The following GPC6 variants were observed in gnomAD, a reference collection of about 807,000 sequenced individuals.
GPC6 encodes glypican 6.
GPC6 carries 14 observed loss-of-function variants against 55.2 expected under a neutral mutation model. That is an observed-to-expected ratio of 0.25 (90% confidence interval 0.17 to 0.40). The LOEUF (loss-of-function observed/expected upper bound fraction) is 0.40, where lower values mean the gene tolerates loss of function less well. Among genes scored for constraint, GPC6 ranks in the 10% least tolerant of loss-of-function variants. GPC6 has a pLI of 1.00. For synonymous variants in GPC6, 278 were observed against 259.6 expected, an observed-to-expected ratio of 1.07 and a Z score of -0.68; for missense variants, 641 against 708.5, an observed-to-expected ratio of 0.90 and a Z score of 1.08.
intron 3 of GPC6, among the ~76,000 whole-genome samples, chr13:93,839,567 T>TA (rs1253082128): frequency 1.3e-5 from 2 of 152,202 alleles, no homozygotes; most frequent in Non-Finnish European, 2.9e-5. Flanking sequence ...TATCACCGTT[T>TA]ACACTGCTGT....
At chr13:93,600,603 G>A (rs908525402) in intron 2 of GPC6, among the ~76,000 whole-genome samples, 10 of 152,230 alleles carry the variant, frequency 6.6e-5, no homozygotes, top group East Asian at 1.9e-4. Context: ...GAGTTAGAGA[G>A]TGGGTGAGTT....
At chr13:93,369,077 T>C (rs1282159814) in intron 1 of GPC6, among the ~76,000 whole-genome samples, 1 of 151,938 alleles carries the variant, frequency 6.6e-6, no homozygotes, top group Non-Finnish European at 1.5e-5. Flanking sequence ...GTCTCATACC[T>C]CCCTAGTGAG....
intron 3 of GPC6, among the ~76,000 whole-genome samples, chr13:93,899,047 C>T (rs1202750379): frequency 1.3e-5 from 2 of 150,676 alleles, no homozygotes; most frequent in East Asian, 3.9e-4. Context: ...TTTATCAACA[C>T]CAGTGTTTCC....
At chr13:93,732,815 AAAAG>A (rs148230509) in intron 2 of GPC6, among the ~76,000 whole-genome samples, 30,656 of 152,008 alleles carry the variant, frequency 0.2, 3,685 homozygotes, top group Non-Finnish European at 0.26. Context: ...TAAAAAAGTA[AAAAG>A]AAAGAGGAGA....
chr13:93,912,722 G>A (rs531002328), intron 3 of GPC6, among the ~76,000 whole-genome samples: 12 of 152,208 alleles, frequency 7.9e-5, no homozygotes, highest in South Asian at 2.1e-4. Flanking sequence ...CAGCCTGGGC[G>A]ACAGATAGAG....
In GPC6 at chr13:94,349,050, G is replaced by A. The variant is rs573735083; in HGVS notation, c.1153-33364G>A. ...TGGACCAGGCACATAGTGATGAATG[G>A]AGCAGACGTGTTTTCATGATGCTTG... is the stretch of plus-strand genomic sequence containing the variant. On this transcript the variant is annotated intron_variant, in intron 6 of 8. Transcript: ENST00000377047. Among the ~76,000 whole-genome samples, 5 of 152,250 alleles carry A rather than the reference G, an allele frequency of 3.3e-5. No homozygotes were observed. In the South Asian group the frequency reaches 1.0e-3, roughly 32 times the overall value.
chr13:94,286,799 T>G (rs539654016), intron 5 of GPC6, among the ~76,000 whole-genome samples: 1 of 152,320 alleles, frequency 6.6e-6, no homozygotes, highest in South Asian at 2.1e-4. Flanking sequence ...TTTTAATGTT[T>G]GAAATGTCTG....
chr13:93,359,385 T>C (rs1323892764), intron 1 of GPC6, among the ~76,000 whole-genome samples: 1 of 152,216 alleles, frequency 6.6e-6, no homozygotes, highest in African/African-American at 2.4e-5. Flanking sequence ...GAATCTTCTG[T>C]TACTCAACTT....
chr13:93,383,182 T>G (rs979935027), intron 1 of GPC6, among the ~76,000 whole-genome samples: 25 of 152,226 alleles, frequency 1.6e-4, no homozygotes, highest in African/African-American at 5.1e-4. Context: ...CTCCCTAACA[T>G]CATGACGATT....
intron 4 of GPC6, among the ~76,000 whole-genome samples, chr13:94,064,985 G>T (rs541780296): frequency 1.1e-4 from 17 of 152,176 alleles, no homozygotes; most frequent in African/African-American, 3.9e-4. Context: ...ATGGTTGTGA[G>T]ACTTCACAGA....
intron 2 of GPC6, among the ~76,000 whole-genome samples, chr13:93,789,582 T>C (rs1447001586): frequency 7.6e-6 from 1 of 132,036 alleles, no homozygotes; most frequent in South Asian, 2.3e-4. Flanking sequence ...ATAAATACTA[T>C]ATATATATAA....
intron 6 of GPC6, among the ~76,000 whole-genome samples, chr13:94,342,570 G>A (rs1049749795): frequency 6.6e-6 from 1 of 152,134 alleles, no homozygotes; most frequent in Non-Finnish European, 1.5e-5. Context: ...TTCAGACTCC[G>A]GGCATCCAGA....
chr13:94,289,104 T>C (rs1435717309), intron 5 of GPC6, among the ~76,000 whole-genome samples: 1 of 150,456 alleles, frequency 6.6e-6, no homozygotes, highest in Non-Finnish European at 1.5e-5. Flanking sequence ...CACATAGAAA[T>C]TGTAGGCAGA....
In GPC6 at chr13:94,286,359, C is replaced by T. The variant is rs764722466; in HGVS notation, c.888C>T (p.Leu296=). The T allele has an allele frequency of 2.5e-6, 4 of 1,613,772 alleles. No individual in the cohort carries two copies. The highest frequency in any genetic ancestry group is 1.6e-4 in the Middle Eastern group (1 of 6,062). Reference sequence around the variant, plus strand: ...CCTGTATTTTAACAGATGCAATGCTCTTGGTGGCAGAGCGACTGGAGGGGC... The same window carrying T: ...CCTGTATTTTAACAGATGCAATGCTTTTGGTGGCAGAGCGACTGGAGGGGC... ...TEWNLFIDAM[L]LVAERLEGPF... is the part of the protein sequence containing the mutation. Residue 296 remains leucine, a synonymous_variant, in exon 5 of 9, where the codon CTC becomes CTT. Coordinates refer to ENST00000377047, the MANE Select transcript of GPC6 (RefSeq NM_005708.5).
rs897239713 is a variant in GPC6 at position 93,409,433 on chromosome 13, C to T, written c.161-135830C>T. ...GAGTTCATCTTCCATCTTTAGCTAA[C>T]GTGGTCTGTGGCCAGAGCCACACTT... On this transcript the variant is annotated intron_variant, in intron 1 of 8. Transcript: ENST00000377047. Among the ~76,000 whole-genome samples, 4 of 152,162 alleles carry T rather than the reference C, an allele frequency of 2.6e-5. No individual in the cohort carries two copies. The South Asian group carries it at 8.3e-4, about 31-fold the overall frequency.
At chr13:94,373,102 C>T (rs1335906853) in intron 6 of GPC6, among the ~76,000 whole-genome samples, 1 of 152,174 alleles carries the variant, frequency 6.6e-6, no homozygotes, top group Non-Finnish European at 1.5e-5. Flanking sequence ...GATAAAACCA[C>T]AAAAATGGAG....
chr13:93,657,268 A>G (rs1188411210), intron 2 of GPC6, among the ~76,000 whole-genome samples: 4 of 152,124 alleles, frequency 2.6e-5, no homozygotes, highest in Admixed American at 1.3e-4. Flanking sequence ...GACCAATGGA[A>G]TGGGTTAGAG....
At chr13:93,477,386 G>C (rs983612397) in intron 1 of GPC6, among the ~76,000 whole-genome samples, 1 of 152,112 alleles carries the variant, frequency 6.6e-6, no homozygotes, top group African/African-American at 2.4e-5. Context: ...ATGGATGTTA[G>C]AGCTGCCTTC....
At chr13:94,118,349 C>T (rs1886507317) in intron 4 of GPC6, among the ~76,000 whole-genome samples, 2 of 152,064 alleles carry the variant, frequency 1.3e-5, no homozygotes, top group Admixed American at 1.3e-4. Context: ...TTTGCTTCCC[C>T]TTCTGCCATT....
Sources: gnomAD v4.1 joint callset for allele counts (sites outside exome capture counted in the v4.1 genomes callset) on GRCh38, gnomAD v4.1.1 for gene constraint, MANE v1.5 for transcripts, NCBI Gene and HGNC (gene_info 2026-07-23, HGNC 2026-07-21) for gene names.